CATSPERD: variants seen among roughly 807,000 people sequenced by gnomAD.
CATSPERD encodes the protein cation channel sperm-associated auxiliary subunit delta.
CATSPERD carries 86 observed loss-of-function variants against 98.1 expected under a neutral mutation model. The observed-to-expected ratio is 0.88, with a 90% CI of 0.74 to 1.05. The LOEUF is 1.05. CATSPERD is among the 50% of genes least tolerant of loss of function. The pLI, the probability that CATSPERD is intolerant of heterozygous loss-of-function variation, is 0.00. For missense variants in CATSPERD, 995 were observed against 1,005.7 expected, an observed-to-expected ratio of 0.99 and a Z score of 0.14; for synonymous variants, 394 against 390.2, an observed-to-expected ratio of 1.01 and a Z score of -0.12.
At chr19:5,765,783 G>A (rs757701779) in intron 16 of CATSPERD, among the ~76,000 whole-genome samples, 1 of 152,060 alleles carries the variant, frequency 6.6e-6, no homozygotes, top group Non-Finnish European at 1.5e-5. Context: ...CTGCACTCCA[G>A]CCTGGGTGAC....
chr19:5,756,050 G>A (rs2056318492), intron 13 of CATSPERD, among the ~76,000 whole-genome samples: 1 of 152,038 alleles, frequency 6.6e-6, no homozygotes, highest in African/African-American at 2.4e-5. Context: ...GGAGGCCAAG[G>A]CGGGCAGATT....
intron 18 of CATSPERD, among the ~76,000 whole-genome samples, chr19:5,769,136 AG>A (rs2056599274): frequency 6.6e-6 from 1 of 151,232 alleles, no homozygotes; most frequent in African/African-American, 2.4e-5. Context: ...ACTGGGCAAC[AG>A]AGCAAGACTC....
intron 18 of CATSPERD, among the ~76,000 whole-genome samples, chr19:5,769,883 G>T (rs2056612441): frequency 6.6e-6 from 1 of 152,020 alleles, no homozygotes. Flanking sequence ...GAGGTCAGGA[G>T]TTTGAGAGCA....
chr19:5,736,664 CCACTGCA>C (rs2055852395), intron 5 of CATSPERD, among the ~76,000 whole-genome samples: 1 of 150,554 alleles, frequency 6.6e-6, no homozygotes, highest in Non-Finnish European at 1.5e-5. Context: ...CAGTGAGCCA[CCACTGCA>C]CTCTAGCCTA....
chr19:5,766,298 A>G, intron 17 of CATSPERD, 143 bp downstream of exon 17: 1 of 505,712 alleles, frequency 2.0e-6, no homozygotes, highest in Non-Finnish European at 3.3e-6. Flanking sequence ...TGAAAAAAAA[A>G]AAAAAAATTA....
intron 11 of CATSPERD, 115 bp downstream of exon 11, chr19:5,749,298 C>T (rs2145772523): frequency 1.7e-6 from 1 of 585,382 alleles, no homozygotes; most frequent in East Asian, 4.4e-5. Context: ...TCAAGACCAG[C>T]CTTGCCAACA....
chr19:5,742,788 C>CA (rs375179374), intron 7 of CATSPERD, among the ~76,000 whole-genome samples: 1 of 151,196 alleles, frequency 6.6e-6, no homozygotes, highest in Admixed American at 6.6e-5. Flanking sequence ...TATCCTGTTG[C>CA]AAAAAAAGAA....
At chr19:5,725,330 T>G (rs2055583923) in intron 2 of CATSPERD, among the ~76,000 whole-genome samples, 2 of 152,052 alleles carry the variant, frequency 1.3e-5, no homozygotes, top group South Asian at 4.1e-4. Context: ...TTTTGTATTT[T>G]TGTAGAGATG....
At chr19:5,739,537 A>G in intron 7 of CATSPERD, 98 bp downstream of exon 7, 2 of 700,438 alleles carry the variant, frequency 2.9e-6, no homozygotes, top group African/African-American at 1.9e-5. Context: ...TTTCCTCTTT[A>G]AGAGTCCAAC....
At chr19:5,728,356 C>CAAAAA (rs564166119) in intron 3 of CATSPERD, among the ~76,000 whole-genome samples, 9 of 80,936 alleles carry the variant, frequency 1.1e-4, no homozygotes, top group Non-Finnish European at 1.7e-4. Context: ...GACTCTGTCT[C>CAAAAA]AAAAAAAAAA....
At chr19:5,772,752 C>T (rs914211701) in intron 19 of CATSPERD, 36 bp from the exon 20 acceptor site, 3 of 1,594,096 alleles carry the variant, frequency 1.9e-6, no homozygotes, top group African/African-American at 1.3e-5. Flanking sequence ...GTTGTCCCTG[C>T]TCCCTGCACA....
At chr19:5,770,024 G>T (rs1036742973) in intron 18 of CATSPERD, among the ~76,000 whole-genome samples, 2 of 151,478 alleles carry the variant, frequency 1.3e-5, no homozygotes, top group African/African-American at 4.9e-5. Context: ...GGGAGGCGGA[G>T]GTTGCAGTGA....
In CATSPERD at chr19:5,774,029, G is replaced by A. The variant is rs139098565; in HGVS notation, c.1941+1064G>A. 7.2e-4 allele frequency among the ~76,000 whole-genome samples: 106 copies of A among 146,242 alleles called. 1 individual carries two copies. The East Asian group carries it at 0.02, about 28-fold the overall frequency. On this transcript the variant is annotated intron_variant, in intron 20 of 21. Transcript: ENST00000381624. The stretch of plus-strand genomic sequence containing the variant: ...GTCCCCCAGGCTGGAGTGCAGTGGC[G>A]CAATCTCAGCTCACTGCAACCTCCA...
chr19:5,748,272 C>T lies in CATSPERD; in HGVS notation c.904+17C>T, dbSNP rs778386653. The stretch of plus-strand genomic sequence containing the variant: ...TTGCTGTCAGTGCGTAGCCGACCCA[C>T]TGCTAGCCAAGAAATATTTAGACCT... On this transcript the variant is annotated intron_variant, in intron 10 of 21. Coordinates refer to ENST00000381624, the MANE Select transcript of CATSPERD (RefSeq NM_152784.4). 52 of 1,606,228 alleles carry T rather than the reference C, an allele frequency of 3.2e-5. No homozygotes were observed. The Middle Eastern group carries it at 2.5e-3, about 77-fold the overall frequency.
intron 1 of CATSPERD, 42 bp downstream of exon 1, chr19:5,720,850 G>T: frequency 1.3e-6 from 2 of 1,537,752 alleles, no homozygotes; most frequent in Non-Finnish European, 1.8e-6. Flanking sequence ...GCTGCCGGGG[G>T]TCGGGAGGGT....
rs201875294 is a variant in CATSPERD at position 5,733,920 on chromosome 19, A to C, written c.341A>C (p.Gln114Pro). 1,112 of 1,612,012 alleles carry C rather than the reference A, an allele frequency of 6.9e-4. No individual in the cohort carries two copies. The highest frequency in any genetic ancestry group is 8.8e-4 in the Non-Finnish European group (1,040 of 1,179,178). ...AGSLLLLVVD[Q>P]KVYIYDYENN... ...TCGTTATTGCTGTTAGTAGTGGATC[A>C]AAAAGTCTATATTTATGATTATGAA... Residue 114 changes from glutamine (Q) to proline (P), a missense_variant, in exon 5 of 22, where the codon CAA becomes CCA. Gln to Pro is a moderately conservative substitution (Grantham distance 76). This residue lies in a region of CATSPERD where 228 missense variants were observed against 209.6 expected (regional missense o/e 1.09). Transcript: ENST00000381624.
chr19:5,750,037 C>T (rs1471343376), intron 11 of CATSPERD, among the ~76,000 whole-genome samples: 1 of 151,372 alleles, frequency 6.6e-6, no homozygotes, highest in East Asian at 2.0e-4. Context: ...CTCCTGACCT[C>T]AGGTGATCCA....
intron 21 of CATSPERD, among the ~76,000 whole-genome samples, chr19:5,777,032 C>T (rs2056751965): frequency 6.6e-6 from 1 of 152,114 alleles, no homozygotes; most frequent in Non-Finnish European, 1.5e-5. Flanking sequence ...ATATTTAGCA[C>T]TGACAGGTGC....
At chr19:5,733,327 CTTT>C (rs1462776452) in intron 4 of CATSPERD, among the ~76,000 whole-genome samples, 122 of 142,342 alleles carry the variant, frequency 8.6e-4, no homozygotes, top group Middle Eastern at 3.8e-3. Flanking sequence ...TTCTTTCTTT[CTTT>C]CTTTCCTTTC....
Sources: gnomAD v4.1 joint callset for allele counts (sites outside exome capture counted in the v4.1 genomes callset) on GRCh38, gnomAD v4.1.1 for gene constraint, gnomAD v4.1.1 regional missense constraint, MANE v1.5 for transcripts, NCBI Gene and HGNC (gene_info 2026-07-23, HGNC 2026-07-21) for gene names.